Variants in TNNI3K observed in about 807,000 individuals in gnomAD.
TNNI3K encodes TNNI3 interacting kinase.
A neutral mutation model predicts 114.5 loss-of-function variants in TNNI3K; 140 were observed. The ratio of observed to expected loss-of-function variants is 1.22; its 90% CI spans 1.07 to 1.41. TNNI3K has a LOEUF of 1.41. Among genes scored for constraint, TNNI3K ranks in the 40% most tolerant of loss-of-function variants. The pLI is 0.00. For synonymous variants in TNNI3K, 347 were observed against 347.5 expected (o/e 1.00, Z 0.02); for missense variants, 1,125 against 1,007.6 (o/e 1.12, Z -1.58).
chr1:74,353,456 A>C (rs1241379211), intron 10 of TNNI3K, 96 bp downstream of exon 10: 2 of 1,306,468 alleles, frequency 1.5e-6, no homozygotes, highest in African/African-American at 3.0e-5. Context: ...GGAGTGCTCA[A>C]CTCCAGTGGG....
chr1:74,505,679 A>C (rs568256718), intron 23 of TNNI3K, among the ~76,000 whole-genome samples: 26 of 152,306 alleles, frequency 1.7e-4, no homozygotes, highest in African/African-American at 6.0e-4. Context: ...TTGTAAAAAA[A>C]CACATTAAAC....
At chr1:74,243,307 C>G (rs187875912) in intron 2 of TNNI3K, among the ~76,000 whole-genome samples, 1 of 152,186 alleles carries the variant, frequency 6.6e-6, no homozygotes, top group Non-Finnish European at 1.5e-5. Context: ...AGAAACAGAT[C>G]TTATTGATAT....
At chr1:74,314,579 C>T (rs922180658) in intron 5 of TNNI3K, among the ~76,000 whole-genome samples, 5 of 152,110 alleles carry the variant, frequency 3.3e-5, no homozygotes, top group Admixed American at 1.3e-4. Flanking sequence ...AACAGCAGAA[C>T]ATTAAGTCAT....
At chr1:74,301,453 A>G (rs1037835368) in intron 5 of TNNI3K, among the ~76,000 whole-genome samples, 5 of 152,096 alleles carry the variant, frequency 3.3e-5, no homozygotes, top group African/African-American at 1.2e-4. Flanking sequence ...GACCCAGACA[A>G]TCCTAGAAAA....
chr1:74,282,633 G>T (rs1194147395), intron 5 of TNNI3K, among the ~76,000 whole-genome samples: 1 of 152,098 alleles, frequency 6.6e-6, no homozygotes, highest in Non-Finnish European at 1.5e-5. Flanking sequence ...AATTTCAGGG[G>T]ACACAATTCC....
intron 23 of TNNI3K, among the ~76,000 whole-genome samples, chr1:74,501,538 G>A (rs939575486): frequency 6.6e-6 from 1 of 152,030 alleles, no homozygotes; most frequent in African/African-American, 2.4e-5. Context: ...CCAGGCTAGA[G>A]TGCAGTGGCA....
chr1:74,470,642 C>T, intron 21 of TNNI3K: 2 of 400,574 alleles, frequency 5.0e-6, no homozygotes. Context: ...TTTTTTTCTA[C>T]ATCATTTTCT....
At chr1:74,473,494 C>CA (rs1557589571) in intron 21 of TNNI3K, among the ~76,000 whole-genome samples, 1 of 150,730 alleles carries the variant, frequency 6.6e-6, no homozygotes, top group Non-Finnish European at 1.5e-5. Context: ...ATCTTAACCG[C>CA]AAAAAATCCT....
At chr1:74,520,265 T>G (rs1216699829) in intron 23 of TNNI3K, among the ~76,000 whole-genome samples, 4 of 152,150 alleles carry the variant, frequency 2.6e-5, no homozygotes, top group Non-Finnish European at 4.4e-5. Flanking sequence ...TTGACTCAAC[T>G]GGAATCTTGA....
At chr1:74,400,811 G>A (rs1165179113) in intron 17 of TNNI3K, among the ~76,000 whole-genome samples, 1 of 152,178 alleles carries the variant, frequency 6.6e-6, no homozygotes, top group Non-Finnish European at 1.5e-5. Context: ...CTGATGTCTG[G>A]TGGTATTGTG....
chr1:74,528,630 C>A (rs1057358191), intron 23 of TNNI3K, among the ~76,000 whole-genome samples: 1 of 152,188 alleles, frequency 6.6e-6, no homozygotes, highest in Non-Finnish European at 1.5e-5. Flanking sequence ...AGAATGAAAA[C>A]TAGAGTCAAC....
chr1:74,436,414 A>G (rs1032763128), intron 18 of TNNI3K, 60 bp from the exon 19 acceptor site: 2 of 1,517,346 alleles, frequency 1.3e-6, no homozygotes, highest in Non-Finnish European at 1.8e-6. Context: ...TTTAACTGTG[A>G]TCTTTTACCT....
chr1:74,486,425 A>T (rs910387772), intron 21 of TNNI3K, among the ~76,000 whole-genome samples: 1 of 151,976 alleles, frequency 6.6e-6, no homozygotes, highest in Non-Finnish European at 1.5e-5. Flanking sequence ...TAGTATCAAT[A>T]TAATTTGCTG....
intron 20 of TNNI3K, among the ~76,000 whole-genome samples, chr1:74,457,727 CAG>C (rs1667284851): frequency 6.6e-6 from 1 of 152,100 alleles, no homozygotes. Context: ...TTTTATAAAA[CAG>C]AAGACAGTGA....
intron 5 of TNNI3K, among the ~76,000 whole-genome samples, chr1:74,297,725 G>A (rs1221348374): frequency 1.8e-4 from 28 of 151,906 alleles, no homozygotes; most frequent in Admixed American, 1.8e-3. Context: ...CAGGGTAGTC[G>A]TATTTCTTAT....
intron 3 of TNNI3K, among the ~76,000 whole-genome samples, chr1:74,250,144 A>T (rs183799008): frequency 5.9e-5 from 9 of 152,306 alleles, no homozygotes; most frequent in Middle Eastern, 6.8e-3. Context: ...AACTTCTTAA[A>T]ATGGAACAGA....
chr1:74,314,327 G>T (rs1659174874), intron 5 of TNNI3K, among the ~76,000 whole-genome samples: 1 of 151,852 alleles, frequency 6.6e-6, no homozygotes, highest in Non-Finnish European at 1.5e-5. Flanking sequence ...GGTTGATTCT[G>T]ATTAGCACTG....
intron 9 of TNNI3K, among the ~76,000 whole-genome samples, chr1:74,352,662 C>T (rs1488899056): frequency 6.6e-6 from 1 of 152,184 alleles, no homozygotes; most frequent in East Asian, 1.9e-4. Flanking sequence ...CAAGCCTGGG[C>T]AATGGCAGGC....
At chr1:74,481,616 T>C (rs1235014496) in intron 21 of TNNI3K, among the ~76,000 whole-genome samples, 2 of 152,218 alleles carry the variant, frequency 1.3e-5, no homozygotes, top group African/African-American at 4.8e-5. Flanking sequence ...CTGTCTAATA[T>C]CTGTTCCCTC....
Sources: gnomAD v4.1 joint callset for allele counts (sites outside exome capture counted in the v4.1 genomes callset) on GRCh38, gnomAD v4.1.1 for gene constraint, MANE v1.5 for transcripts, NCBI Gene and HGNC (gene_info 2026-07-23, HGNC 2026-07-21) for gene names.